PRRC2A: variants seen among roughly 807,000 people sequenced by gnomAD.
PRRC2A encodes the protein proline rich coiled-coil 2A, also known as protein PRRC2A.
In PRRC2A, 59 loss-of-function variants were observed where a neutral mutation model predicts 224.6. The observed-to-expected ratio is 0.26, with a 90% CI of 0.21 to 0.33. The LOEUF (loss-of-function observed/expected upper bound fraction) is 0.33. Among genes scored for constraint, PRRC2A ranks in the 10% least tolerant of loss-of-function variants. The probability of loss-of-function intolerance (pLI) is 1.00; values close to 1 mark genes in which losing one functional copy is unlikely to be tolerated. For synonymous variants in PRRC2A, 1,194 were observed against 1,109.5 expected (o/e 1.08, Z -1.51); for missense variants, 3,095 against 2,880.7 (o/e 1.07, Z -1.70).
rs754974258 is a variant in PRRC2A at position 31,632,674 on chromosome 6, G to A, written c.4001G>A (p.Arg1334His). 6.2e-6 allele frequency: 10 copies of A among 1,612,988 alleles called. No homozygotes were observed. The highest frequency in any genetic ancestry group is 1.7e-5 in the Admixed American group (1 of 60,010). ...GAGAGCAGTGACTTCACCAGTGAGCGCCGAGGGGACAAAGAGGCACCCCCA... is the reference window on the plus strand; with the variant it reads ...GAGAGCAGTGACTTCACCAGTGAGCACCGAGGGGACAAAGAGGCACCCCCA... ...ASESSDFTSE[R>H]RGDKEAPPPV... Residue 1334 changes from arginine (R) to histidine (H), a missense_variant, in exon 16 of 31, where the codon CGC becomes CAC. By Grantham distance (29) the Arg-to-His change is conservative. Transcript: ENST00000376033.
intron 24 of PRRC2A, 36 bp downstream of exon 24, chr6:31,635,785 G>A: frequency 6.5e-7 from 1 of 1,544,792 alleles, no homozygotes; most frequent in Non-Finnish European, 8.7e-7. Flanking sequence ...CCCCTTCAGT[G>A]AATAATAATT....
intron 1 of PRRC2A, 68 bp from the exon 2 acceptor site, chr6:31,622,622 G>A (rs1296814654): frequency 3.4e-6 from 2 of 583,790 alleles, no homozygotes; most frequent in Non-Finnish European, 6.0e-6. Context: ...AGACACCAGA[G>A]GGCCTCATAT....
At chr6:31,633,730 C>T (rs889720241) in intron 17 of PRRC2A, 83 bp downstream of exon 17, 45 of 1,535,966 alleles carry the variant, frequency 2.9e-5, no homozygotes, top group Non-Finnish European at 3.8e-5. Flanking sequence ...AGAACCTGGC[C>T]TAGGGACCCT....
rs185367165 is a variant in PRRC2A at position 31,630,356 on chromosome 6, G to A, written c.2255-235G>A. ...AATAGCACAACTCCATCTCAAAAAT[G>A]AATGAATGAATGAAAGAAGCAGTGG... On this transcript the variant is annotated intron_variant, in intron 14 of 30. Transcript: ENST00000376033. 1.1e-3 allele frequency among the ~76,000 whole-genome samples: 173 copies of A among 152,216 alleles called. 2 individuals carry two copies. The highest frequency in any genetic ancestry group is 6.4e-3 in the Admixed American group (98 of 15,292).
At chr6:31,626,922 A>G (rs1479575745) in intron 10 of PRRC2A, 60 bp downstream of exon 10, 1 of 1,612,510 alleles carries the variant, frequency 6.2e-7, no homozygotes, top group Non-Finnish European at 8.5e-7. Flanking sequence ...TTGGTAATAT[A>G]CTCTTAGAGG....
intron 2 of PRRC2A, 163 bp downstream of exon 2, chr6:31,623,064 G>T: frequency 1.3e-6 from 1 of 771,934 alleles, no homozygotes; most frequent in Non-Finnish European, 2.4e-6. Context: ...GTGGGCTCTG[G>T]GTGAACACCA....
chr6:31,621,082 C>T (rs1056404512), intron 1 of PRRC2A, among the ~76,000 whole-genome samples: 1 of 152,206 alleles, frequency 6.6e-6, no homozygotes, highest in Non-Finnish European at 1.5e-5. Flanking sequence ...CCGTAGTCTG[C>T]CCCTAACCAC....
rs770308838 is a variant in PRRC2A at position 31,629,842 on chromosome 6, T to G, written c.2251T>G (p.Ser751Ala). 4.3e-6 allele frequency: 7 copies of G among 1,613,876 alleles called. No homozygotes were observed. Among genetic ancestry groups the G allele is most frequent in the Non-Finnish European group, 5.1e-6 (6 of 1,179,890 alleles). ...CTTCTACCCTCCTGGTGTGCATCCCTCTGGTAAGGGGGCATGGGAGGAGTG... is the reference window on the plus strand; with the variant it reads ...CTTCTACCCTCCTGGTGTGCATCCCGCTGGTAAGGGGGCATGGGAGGAGTG... ...LDFYPPGVHP[S>A]GLVPRERSDS... Residue 751 changes from serine to alanine, a missense_variant, in exon 14 of 31, where the codon TCT becomes GCT. Ser to Ala is a moderately conservative substitution (Grantham distance 99, BLOSUM62 1). Around this residue, in one of 8 missense-constraint regions of PRRC2A, gnomAD observed 2,001 missense variants for 1,764.9 expected, o/e 1.13. Coordinates refer to ENST00000376033, the MANE Select transcript of PRRC2A (RefSeq NM_004638.4).
rs1454897822 is a variant in PRRC2A at position 31,630,865 on chromosome 6, T to G, written c.2465+64T>G. ...AAAGGATCTAGGCCTGGGAGAAAGG[T>G]ACTTTGGGTTAGTGGTAGGGATAGG... On this transcript the variant is annotated intron_variant, in intron 15 of 30. Transcript: ENST00000376033. The G allele has an allele frequency of 2.6e-6, 4 of 1,561,326 alleles. No individual in the cohort carries two copies. The East Asian group carries it at 9.3e-5, about 36-fold the overall frequency.
intron 21 of PRRC2A, 53 bp downstream of exon 21, chr6:31,635,030 C>T (rs1777156624): frequency 1.1e-5 from 17 of 1,600,528 alleles, no homozygotes; most frequent in Non-Finnish European, 1.3e-5. Context: ...TGACTTTGGC[C>T]CTACCTTTTT....
chr6:31,632,860 A>C lies in PRRC2A; in HGVS notation c.4187A>C (p.Asn1396Thr). ...SSQRPGMERQ[N>T]RRPGPGGKAG... ...CAGCGGCCAGGCATGGAACGGCAGA[A>C]TCGGCGCCCTGGCCCAGGGGGCAAG... Residue 1396 changes from asparagine to threonine, a missense_variant, in exon 16 of 31, where the codon AAT (asparagine) becomes ACT (threonine). Asn to Thr is a moderately conservative substitution (Grantham distance 65). Around this residue, in one of 8 missense-constraint regions of PRRC2A, gnomAD observed 2,001 missense variants for 1,764.9 expected, o/e 1.13. Transcript: ENST00000376033. 6.2e-7 allele frequency: 1 copy of C among 1,613,094 alleles called. No homozygotes were observed. Among genetic ancestry groups the C allele is most frequent in the Non-Finnish European group, 8.5e-7 (1 of 1,179,974 alleles).
At chr6:31,626,256 A>T in intron 9 of PRRC2A, 94 bp downstream of exon 9, 1 of 1,434,248 alleles carries the variant, frequency 7.0e-7, no homozygotes, top group Non-Finnish European at 9.5e-7. Flanking sequence ...AAAGGCAGAC[A>T]TTGAAGTGTA....
At chr6:31,634,638 CTGG>C in intron 20 of PRRC2A, 81 bp downstream of exon 20, 1 of 1,581,204 alleles carries the variant, frequency 6.3e-7, no homozygotes, top group Non-Finnish European at 8.7e-7. Context: ...TGGGTTGAGT[CTGG>C]AGCTGTTCTC....
intron 14 of PRRC2A, 120 bp from the exon 15 acceptor site, chr6:31,630,471 C>A: frequency 1.1e-6 from 1 of 945,354 alleles, no homozygotes; most frequent in Non-Finnish European, 1.6e-6. Context: ...GCAGGCAAGG[C>A]CCGGACCTAC....
At position 31,627,270 on chromosome 6, in the gene PRRC2A, T is replaced by C; in HGVS notation, c.1290+72T>C. ...GGTGTCAGCTGAGTAATTGAAGCGG[T>C]TGTGATATAGAGGAAGGGGGGTGCT... On this transcript the variant is annotated intron_variant, in intron 11 of 30. Coordinates refer to ENST00000376033, the MANE Select transcript of PRRC2A (RefSeq NM_004638.4). This position sits in a 1 kb window ranked among gnomAD's most constrained non-coding sequence, Gnocchi z 5.6. The C allele has an allele frequency of 2.6e-6, 3 of 1,147,036 alleles. No homozygotes were observed. Among genetic ancestry groups the C allele is most frequent in the Non-Finnish European group, 3.8e-6 (3 of 795,202 alleles). 71.1% of individuals were successfully genotyped at this position (1,147,036 alleles called of 1,614,324 possible). A position where few individuals can be genotyped will look rare whatever the true frequency, so the allele number is the denominator to read the frequency against.
At chr6:31,622,954 G>C (rs1775463100) in intron 2 of PRRC2A, 53 bp downstream of exon 2, 1 of 1,428,320 alleles carries the variant, frequency 7.0e-7, no homozygotes, top group East Asian at 2.3e-5. Flanking sequence ...CATGCATGGG[G>C]CATACGTTTT....
rs777143276 is a variant in PRRC2A at position 31,620,894 on chromosome 6, C to T, written c.-101+36C>T. On this transcript the variant is annotated intron_variant, in intron 1 of 30. Transcript: ENST00000376033. ...GTGAACCGTGCGCTGACGCCCTTTT[C>T]CGGCGCGGGAGAGGTGGTGGCGGTG... is the stretch of plus-strand genomic sequence containing the variant. 4.5e-5 allele frequency: 7 copies of T among 153,978 alleles called. No homozygotes were observed. The South Asian group carries it at 5.2e-4, about 11-fold the overall frequency. The allele number at this position is 153,978 out of a possible 1,614,324, so 9.5% of individuals were successfully genotyped here. A position where few individuals can be genotyped will look rare whatever the true frequency, so the allele number is the denominator to read the frequency against.
rs1209530047 is a variant in PRRC2A at position 31,633,284 on chromosome 6, A to G, written c.4320-95A>G. 5.3e-6 allele frequency: 8 copies of G among 1,511,468 alleles called. No individual in the cohort carries two copies. The East Asian group carries it at 1.6e-4, about 30-fold the overall frequency. The allele number at this position is 1,511,468 out of a possible 1,614,324, so 93.6% of individuals were successfully genotyped here. On this transcript the variant is annotated intron_variant, in intron 16 of 30. Coordinates refer to ENST00000376033, the MANE Select transcript of PRRC2A (RefSeq NM_004638.4). ...CAAAAACACCTGGACTTTAATAGGGAAGAGAATAGGTTGTAAGCAGAAGTT... is the reference window on the plus strand; with the variant it reads ...CAAAAACACCTGGACTTTAATAGGGGAGAGAATAGGTTGTAAGCAGAAGTT...
rs200424139 is a variant in PRRC2A, at chr6:31,629,137, G to A, written c.1766-7G>A. The A allele has an allele frequency of 1.1e-5, 18 of 1,613,296 alleles. No individual in the cohort carries two copies. The highest frequency in any genetic ancestry group is 1.4e-5 in the Non-Finnish European group (17 of 1,179,832). On this transcript the variant is annotated splice_region_variant and splice_polypyrimidine_tract_variant and intron_variant, in intron 12 of 30. Coordinates refer to ENST00000376033, the MANE Select transcript of PRRC2A (RefSeq NM_004638.4). ...TAGATCACTCTGTTGTGTTTTTTCC[G>A]ATGCAGTGGAACCACAACTGCCCTC...
Sources: allele counts gnomAD v4.1 joint callset (sites outside exome capture counted in the v4.1 genomes callset), GRCh38; gene constraint gnomAD v4.1.1; regional missense constraint gnomAD v4.1.1; non-coding constraint Gnocchi (gnomAD v3.1); transcripts MANE v1.5; gene names NCBI Gene and HGNC (gene_info 2026-07-23, HGNC 2026-07-21).